Variants in SGPP1 observed in about 807,000 individuals in gnomAD.
The protein encoded by SGPP1 is hSPP1.
Under a neutral mutation model 33.0 loss-of-function variants are expected in SGPP1, and 21 were observed. The observed-to-expected ratio is 0.64, with a 90% CI of 0.45 to 0.92. The LOEUF is 0.92. SGPP1 is among the 40% of genes least tolerant of loss of function. The pLI is 0.00. For synonymous variants in SGPP1, 239 were observed against 241.2 expected (o/e 0.99, Z 0.08); for missense variants, 543 against 589.4 (o/e 0.92, Z 0.81).
intron 1 of SGPP1, among the ~76,000 whole-genome samples, chr14:63,711,905 C>T (rs1345126887): frequency 6.6e-6 from 1 of 151,862 alleles, no homozygotes; most frequent in Non-Finnish European, 1.5e-5. Context: ...TGGTAGGCAC[C>T]TGTAATCCCA....
intron 1 of SGPP1, among the ~76,000 whole-genome samples, chr14:63,710,104 T>C (rs1271926690): frequency 6.6e-6 from 1 of 152,194 alleles, no homozygotes; most frequent in Non-Finnish European, 1.5e-5. Flanking sequence ...GAATGAATAG[T>C]GTACATGTAA....
At position 63,686,343 on chromosome 14, in the gene SGPP1, CCAAA is replaced by C. The variant is rs1457591637; in HGVS notation, c.1084_1087del (p.Phe362GlufsTer9). On this transcript the variant is annotated frameshift_variant, in exon 3 of 3. Coordinates refer to ENST00000247225, the MANE Select transcript of SGPP1 (RefSeq NM_030791.4). LOFTEE classifies it high-confidence loss of function. ...TATGAGGATCCGCAATATGGCTTTTCCAAACAGAGTCACAGTAATGGGGGGCCCA... is the reference window on the plus strand; with the variant it reads ...TATGAGGATCCGCAATATGGCTTTTCCAGAGTCACAGTAATGGGGGGCCCA... The C allele has an allele frequency of 6.2e-7, 1 of 1,613,962 alleles. No individual in the cohort carries two copies. Among genetic ancestry groups the C allele is most frequent in the Admixed American group, 1.7e-5 (1 of 59,998 alleles).
intron 2 of SGPP1, among the ~76,000 whole-genome samples, chr14:63,689,068 G>A (rs895611389): frequency 5.9e-5 from 9 of 152,186 alleles, no homozygotes; most frequent in African/African-American, 2.2e-4. Flanking sequence ...CAGACTAGTT[G>A]CTTGATGTTT....
intron 2 of SGPP1, among the ~76,000 whole-genome samples, chr14:63,697,415 T>C (rs539705901): frequency 6.6e-6 from 1 of 152,240 alleles, no homozygotes; most frequent in East Asian, 1.9e-4. Flanking sequence ...AGAAAAAAAC[T>C]GACATGACCC....
intron 1 of SGPP1, among the ~76,000 whole-genome samples, chr14:63,722,551 T>A (rs1330971829): frequency 6.7e-6 from 1 of 149,664 alleles, no homozygotes; most frequent in Non-Finnish European, 1.5e-5. Context: ...AAATAAAAAA[T>A]AAAAATATTA....
rs569035004 is a variant in SGPP1, at chr14:63,686,412, C to T, written c.1019G>A (p.Gly340Asp). Reference protein sequence around the residue: ...ACGSHVTYNMGLVLDPSLDTL... With the variant: ...ACGSHVTYNMDLVLDPSLDTL... The stretch of plus-strand genomic sequence containing the variant: ...ATCTAGAGAAGGATCTAATACTAGA[C>T]CCATGTTATAAGTAACATGAGATCC... The change falls in exon 3 of 3, where the codon GGT (glycine) becomes GAT (aspartate). Residue 340 changes from glycine to aspartate, a missense_variant. Gly to Asp is a moderately conservative substitution (Grantham distance 94). Coordinates refer to ENST00000247225, the MANE Select transcript of SGPP1 (RefSeq NM_030791.4). 5 of 1,614,110 alleles carry T rather than the reference C, an allele frequency of 3.1e-6. No homozygotes were observed. In the South Asian group the frequency reaches 5.5e-5, roughly 18 times the overall value.
intron 2 of SGPP1, among the ~76,000 whole-genome samples, chr14:63,695,278 G>A (rs1318093576): frequency 3.3e-5 from 5 of 151,924 alleles, no homozygotes; most frequent in Non-Finnish European, 4.4e-5. Flanking sequence ...GGATGGTCTC[G>A]ATCTTCTGAC....
At chr14:63,720,922 T>A (rs1885757855) in intron 1 of SGPP1, among the ~76,000 whole-genome samples, 1 of 152,202 alleles carries the variant, frequency 6.6e-6, no homozygotes, top group African/African-American at 2.4e-5. Flanking sequence ...CATGTTTCTT[T>A]TTTTGAGACA....
chr14:63,698,160 T>C (rs938984200), intron 2 of SGPP1, among the ~76,000 whole-genome samples: 3 of 152,194 alleles, frequency 2.0e-5, no homozygotes, highest in Admixed American at 6.5e-5. Context: ...TAAACACAAA[T>C]GGCCCCTGGA....
At position 63,727,960 on chromosome 14, in the gene SGPP1, G is replaced by A. The variant is rs976001549; in HGVS notation, c.-16C>T. On this transcript the variant is annotated 5_prime_UTR_variant, in exon 1 of 3. Transcript: ENST00000247225. ...TCAGCGACATGATAACGGAACCCCC[G>A]GGAAGGCGGGCCGGCCTCCGGCGCA... is the stretch of plus-strand genomic sequence containing the variant. 5 of 1,538,244 alleles carry A rather than the reference G, an allele frequency of 3.3e-6. No individual in the cohort carries two copies. The South Asian group carries it at 3.5e-5, about 11-fold the overall frequency.
intron 1 of SGPP1, among the ~76,000 whole-genome samples, chr14:63,712,694 G>C (rs867775971): frequency 3.3e-5 from 5 of 151,698 alleles, no homozygotes; most frequent in South Asian, 2.1e-4. Flanking sequence ...TTGAGGGAGG[G>C]TCTTGCTCTG....
chr14:63,688,521 CA>C (rs1200535394), intron 2 of SGPP1, among the ~76,000 whole-genome samples: 1 of 151,844 alleles, frequency 6.6e-6, no homozygotes, highest in African/African-American at 2.4e-5. Context: ...TCATTCCTGA[CA>C]ACATACAAAA....
chr14:63,696,338 T>C (rs570671014), intron 2 of SGPP1, among the ~76,000 whole-genome samples: 2 of 152,318 alleles, frequency 1.3e-5, no homozygotes, highest in Non-Finnish European at 2.9e-5. Flanking sequence ...TGTGATCACA[T>C]AGATTCTTTT....
At chr14:63,703,210 A>T (rs928605307) in intron 1 of SGPP1, among the ~76,000 whole-genome samples, 9 of 119,772 alleles carry the variant, frequency 7.5e-5, no homozygotes, top group Non-Finnish European at 1.4e-4. Flanking sequence ...TACCAGCAAT[A>T]AAAAAAAAAC....
intron 2 of SGPP1, among the ~76,000 whole-genome samples, chr14:63,698,110 C>G (rs1885223703): frequency 6.6e-6 from 1 of 152,194 alleles, no homozygotes; most frequent in Non-Finnish European, 1.5e-5. Flanking sequence ...TGAGTCCTAA[C>G]ATACTGATGG....
At chr14:63,702,789 A>G (rs1595065330) in intron 1 of SGPP1, among the ~76,000 whole-genome samples, 1 of 152,180 alleles carries the variant, frequency 6.6e-6, no homozygotes, top group African/African-American at 2.4e-5. Context: ...TTTACTCCCC[A>G]TTGAATAACA....
At chr14:63,687,854 C>T (rs979424420) in intron 2 of SGPP1, among the ~76,000 whole-genome samples, 1 of 152,184 alleles carries the variant, frequency 6.6e-6, no homozygotes, top group Admixed American at 6.5e-5. Context: ...GGTGCAGTGG[C>T]TCACACCTGT....
chr14:63,701,347 A>T (rs1885295721), intron 1 of SGPP1, among the ~76,000 whole-genome samples: 1 of 152,174 alleles, frequency 6.6e-6, no homozygotes, highest in Non-Finnish European at 1.5e-5. Flanking sequence ...TTGCCACAGT[A>T]TCAACAAGTC....
chr14:63,693,826 T>C (rs1885134183), intron 2 of SGPP1, among the ~76,000 whole-genome samples: 2 of 152,152 alleles, frequency 1.3e-5, no homozygotes, highest in South Asian at 2.1e-4. Context: ...ATTGCCCAGG[T>C]TGGTCTTGAA....
Sources: gnomAD v4.1 joint callset for allele counts (sites outside exome capture counted in the v4.1 genomes callset) on GRCh38, gnomAD v4.1.1 for gene constraint, MANE v1.5 for transcripts, NCBI Gene and HGNC (gene_info 2026-07-23, HGNC 2026-07-21) for gene names.